EIF4G3: variants seen among roughly 807,000 people sequenced by gnomAD.
The protein encoded by EIF4G3 is eIF-4-gamma 3.
Under a neutral mutation model 186.4 loss-of-function variants are expected in EIF4G3, and 34 were observed. The ratio of observed to expected loss-of-function variants is 0.18; its 90% CI spans 0.14 to 0.24. EIF4G3 has a LOEUF of 0.24. Among genes scored for constraint, EIF4G3 ranks in the 10% least tolerant of loss-of-function variants. The pLI, the probability that EIF4G3 is intolerant of heterozygous loss-of-function variation, is 1.00. For missense variants in EIF4G3, 1,536 were observed against 1,948.5 expected, an observed-to-expected ratio of 0.79 and a Z score of 3.99; for synonymous variants, 673 against 679.5, an observed-to-expected ratio of 0.99 and a Z score of 0.15.
intron 34 of EIF4G3, among the ~76,000 whole-genome samples, chr1:20,816,542 G>T (rs1171559900): frequency 6.0e-4 from 43 of 71,508 alleles, no homozygotes; most frequent in African/African-American, 2.0e-3. Flanking sequence ...GGAGGTGAGG[G>T]GCGCCTCTGC....
chr1:20,868,735 C>T (rs567541092), intron 20 of EIF4G3, among the ~76,000 whole-genome samples: 5 of 152,056 alleles, frequency 3.3e-5, no homozygotes, highest in African/African-American at 4.8e-5. Context: ...TTGTTCGGGA[C>T]GGGTTTCTTT....
chr1:21,100,469 T>C (rs911012431), intron 2 of EIF4G3, among the ~76,000 whole-genome samples: 3 of 152,176 alleles, frequency 2.0e-5, no homozygotes, highest in African/African-American at 7.2e-5. Flanking sequence ...ACAAGCATCT[T>C]ATCTGTTCTA....
At chr1:21,079,688 GA>G (rs778131545) in intron 3 of EIF4G3, among the ~76,000 whole-genome samples, 71 of 104,906 alleles carry the variant, frequency 6.8e-4, no homozygotes, top group African/African-American at 8.2e-4. Context: ...TGTCGCAAAA[GA>G]AAAAAAAAAA....
intron 14 of EIF4G3, among the ~76,000 whole-genome samples, chr1:20,931,399 G>A (rs1045391377): frequency 1.2e-4 from 19 of 152,196 alleles, no homozygotes; most frequent in Non-Finnish European, 2.4e-4. Context: ...TATAAGAGTC[G>A]GTAAGCCACA....
chr1:20,870,215 C>T (rs532456743), intron 20 of EIF4G3, among the ~76,000 whole-genome samples: 102 of 152,092 alleles, frequency 6.7e-4, no homozygotes, highest in Non-Finnish European at 2.9e-4. Context: ...GATTTAACTG[C>T]CTCTCTTTTT....
rs570237068 is a variant in EIF4G3 at position 21,074,517 on chromosome 1, T to C, written c.-196+14621A>G. Among the ~76,000 whole-genome samples the C allele has an allele frequency of 5.9e-5, 9 of 152,300 alleles. No individual in the cohort carries two copies. In the South Asian group the frequency reaches 1.9e-3, roughly 32 times the overall value. ...ACTATGGTCAGTTATCATTCATAAA[T>C]GCTACTGGAGAAAAAAATAATAATA... is the stretch of plus-strand genomic sequence containing the variant. On this transcript the variant is annotated intron_variant, in intron 3 of 36. Transcript: ENST00000602326.
rs568510784 is a variant in EIF4G3, at chr1:21,105,439, GA to G, written c.-271-16227del. ...GTGAAACTCCGTCTTAAAAAAAAAA[GA>G]AAAAAAAAAAATCTGTACACCAAAC... On this transcript the variant is annotated intron_variant, in intron 2 of 36. Coordinates refer to ENST00000602326, the MANE Select transcript of EIF4G3 (RefSeq NM_001391906.1). 5.3e-3 allele frequency among the ~76,000 whole-genome samples: 658 copies of G among 125,172 alleles called. 2 individuals are homozygous for G. The highest frequency in any genetic ancestry group is 0.012 in the South Asian group (49 of 4,042). 82.1% of individuals were successfully genotyped at this position (125,172 alleles called of 152,430 possible). A position where few individuals can be genotyped will look rare whatever the true frequency, so the allele number is the denominator to read the frequency against.
chr1:21,121,785 A>G (rs1038823333), intron 2 of EIF4G3, among the ~76,000 whole-genome samples: 1 of 152,144 alleles, frequency 6.6e-6, no homozygotes, highest in African/African-American at 2.4e-5. Context: ...AAAAAAAAAA[A>G]AAAAACTAAT....
intron 2 of EIF4G3, among the ~76,000 whole-genome samples, chr1:21,094,519 A>G (rs10465541): frequency 0.03 from 4,485 of 151,396 alleles, 244 homozygotes; most frequent in African/African-American, 0.1. Context: ...ACTATCGCAA[A>G]GACAGAAAAC....
chr1:21,019,463 C>T (rs918667693), intron 4 of EIF4G3, among the ~76,000 whole-genome samples: 1 of 152,196 alleles, frequency 6.6e-6, no homozygotes, highest in African/African-American at 2.4e-5. Context: ...CCATCCAACA[C>T]AGATCTTAAA....
intron 7 of EIF4G3, among the ~76,000 whole-genome samples, chr1:20,984,498 C>T (rs1337089276): frequency 6.6e-6 from 1 of 150,752 alleles, no homozygotes; most frequent in Non-Finnish European, 1.5e-5. Flanking sequence ...AAGAATTCAG[C>T]TTTGAAGCTA....
chr1:21,132,645 G>C (rs1430727673), intron 2 of EIF4G3, among the ~76,000 whole-genome samples: 2 of 152,052 alleles, frequency 1.3e-5, no homozygotes, highest in Non-Finnish European at 2.9e-5. Context: ...TCACTATGTT[G>C]TGTAGGCTGG....
chr1:20,939,373 T>C (rs1289165624), intron 14 of EIF4G3, among the ~76,000 whole-genome samples: 4 of 152,218 alleles, frequency 2.6e-5, no homozygotes, highest in Middle Eastern at 3.2e-3. Flanking sequence ...GAAGAGTCTA[T>C]ACTCTTTGAT....
intron 14 of EIF4G3, among the ~76,000 whole-genome samples, chr1:20,930,367 C>T (rs564027815): frequency 7.2e-5 from 11 of 152,294 alleles, no homozygotes; most frequent in South Asian, 4.1e-4. Context: ...CATACCCTTC[C>T]GCTGTTTTAT....
chr1:21,150,994 A>C (rs2097540177), intron 2 of EIF4G3, among the ~76,000 whole-genome samples: 1 of 152,088 alleles, frequency 6.6e-6, no homozygotes, highest in Non-Finnish European at 1.5e-5. Flanking sequence ...CAAATAAATA[A>C]AGTGATTAAA....
At chr1:21,165,417 T>C (rs1290138544) in intron 2 of EIF4G3, among the ~76,000 whole-genome samples, 1 of 152,186 alleles carries the variant, frequency 6.6e-6, no homozygotes, top group Non-Finnish European at 1.5e-5. Context: ...GCCAGAAATT[T>C]TATCCAACCT....
At chr1:21,132,719 C>A (rs2097175545) in intron 2 of EIF4G3, among the ~76,000 whole-genome samples, 1 of 151,892 alleles carries the variant, frequency 6.6e-6, no homozygotes, top group South Asian at 2.1e-4. Flanking sequence ...GAAGCACAGG[C>A]ATGAGCTACC....
At chr1:21,016,984 C>T (rs575139106) in intron 4 of EIF4G3, among the ~76,000 whole-genome samples, 14 of 151,852 alleles carry the variant, frequency 9.2e-5, no homozygotes, top group South Asian at 8.3e-4. Flanking sequence ...CAAAACAAAA[C>T]GAAACAAAAC....
chr1:20,845,692 A>T (rs773185598), intron 29 of EIF4G3, among the ~76,000 whole-genome samples: 34 of 151,872 alleles, frequency 2.2e-4, no homozygotes, highest in Admixed American at 3.9e-4. Flanking sequence ...AATAAATAAA[A>T]AATAAAAAAA....
Sources: allele counts gnomAD v4.1 joint callset (sites outside exome capture counted in the v4.1 genomes callset), GRCh38; gene constraint gnomAD v4.1.1; transcripts MANE v1.5; gene names NCBI Gene and HGNC (gene_info 2026-07-23, HGNC 2026-07-21).